Variants in NPAS3 observed in about 807,000 individuals in gnomAD.
The protein encoded by NPAS3 is neuronal PAS domain-containing protein 3.
Under a neutral mutation model 73.1 loss-of-function variants are expected in NPAS3, and 14 were observed. That is an observed-to-expected ratio of 0.19 (90% CI 0.13 to 0.30). NPAS3 has a LOEUF of 0.30. Among genes scored for constraint, NPAS3 ranks in the 10% least tolerant of loss-of-function variants. NPAS3 has a pLI of 1.00. For synonymous variants in NPAS3, 620 were observed against 541.5 expected, an observed-to-expected ratio of 1.14 and a Z score of -2.01; for missense variants, 1,096 against 1,250.0, an observed-to-expected ratio of 0.88 and a Z score of 1.86.
At chr14:33,538,690 G>A (rs1032306073) in intron 4 of NPAS3, among the ~76,000 whole-genome samples, 7 of 152,156 alleles carry the variant, frequency 4.6e-5, no homozygotes, top group South Asian at 4.1e-4. Flanking sequence ...GTGGCATCCC[G>A]TTTCTCCTCA....
chr14:33,612,647 G>A, intron 5 of NPAS3: 1 of 359,586 alleles, frequency 2.8e-6, no homozygotes, highest in South Asian at 2.1e-5. Context: ...TTTAAAGTGT[G>A]GTATTTTAAA....
intron 2 of NPAS3, among the ~76,000 whole-genome samples, chr14:33,056,904 G>A (rs1000846578): frequency 6.6e-6 from 1 of 152,144 alleles, no homozygotes; most frequent in Non-Finnish European, 1.5e-5. Flanking sequence ...AATATACTTT[G>A]TTGTGTTTTT....
In NPAS3 at chr14:33,304,494, C is replaced by G. The variant is rs186040899; in HGVS notation, c.386-62692C>G. ...GTGTAGGTGGTTGATTGAATAACATCTAGTAGCCTGGAGTTTTATCTGTCC... is the reference window on the plus strand; with the variant it reads ...GTGTAGGTGGTTGATTGAATAACATGTAGTAGCCTGGAGTTTTATCTGTCC... On this transcript the variant is annotated intron_variant, in intron 3 of 11. Transcript: ENST00000356141. Among the ~76,000 whole-genome samples, 26 of 151,488 alleles carry G rather than the reference C, an allele frequency of 1.7e-4. No individual in the cohort carries two copies. In the East Asian group the frequency reaches 3.3e-3, roughly 19 times the overall value.
chr14:33,162,372 T>C (rs992291933), intron 2 of NPAS3, among the ~76,000 whole-genome samples: 1 of 152,204 alleles, frequency 6.6e-6, no homozygotes, highest in African/African-American at 2.4e-5. Context: ...ATCTTTACAA[T>C]TGTAAATACT....
chr14:33,148,659 G>A (rs570721014), intron 2 of NPAS3, among the ~76,000 whole-genome samples: 5 of 152,132 alleles, frequency 3.3e-5, no homozygotes, highest in Admixed American at 6.5e-5. Flanking sequence ...AATCATTTAT[G>A]TGATTTGCAT....
intron 7 of NPAS3, among the ~76,000 whole-genome samples, chr14:33,736,437 G>T (rs10152106): frequency 0.24 from 36,889 of 152,086 alleles, 5,151 homozygotes; most frequent in East Asian, 0.48. Flanking sequence ...CCTTTAGCAG[G>T]TGCGATGCAG....
intron 1 of NPAS3, among the ~76,000 whole-genome samples, chr14:32,943,761 T>C (rs1022620270): frequency 3.4e-5 from 5 of 148,800 alleles, no homozygotes; most frequent in Non-Finnish European, 7.4e-5. Context: ...AGTGGCACAA[T>C]CTCAGCTCAC....
chr14:32,974,420 G>T (rs865951271), intron 1 of NPAS3, among the ~76,000 whole-genome samples: 3 of 152,208 alleles, frequency 2.0e-5, no homozygotes, highest in East Asian at 1.9e-4. Context: ...GATAGTTGAG[G>T]TGTTTGGTGA....
At chr14:33,728,456 A>G (rs2061326751) in intron 6 of NPAS3, among the ~76,000 whole-genome samples, 1 of 152,240 alleles carries the variant, frequency 6.6e-6, no homozygotes, top group South Asian at 2.1e-4. Flanking sequence ...GACAGGAATC[A>G]GCCCTAAGGA....
intron 2 of NPAS3, among the ~76,000 whole-genome samples, chr14:33,129,333 G>A (rs968270803): frequency 6.6e-5 from 10 of 152,074 alleles, no homozygotes; most frequent in Non-Finnish European, 1.3e-4. Context: ...AAAGCCATCT[G>A]GACAATGATA....
At chr14:32,965,492 T>C (rs978202259) in intron 1 of NPAS3, among the ~76,000 whole-genome samples, 1 of 152,176 alleles carries the variant, frequency 6.6e-6, no homozygotes, top group Admixed American at 6.5e-5. Flanking sequence ...GAAAAATCAT[T>C]TGACAAAATT....
chr14:33,226,257 G>A (rs886773555), intron 3 of NPAS3, among the ~76,000 whole-genome samples: 1 of 152,128 alleles, frequency 6.6e-6, no homozygotes, highest in African/African-American at 2.4e-5. Flanking sequence ...TGTCTACACA[G>A]GACTATTGTT....
intron 4 of NPAS3, among the ~76,000 whole-genome samples, chr14:33,522,319 T>A (rs1009298614): frequency 5.3e-5 from 8 of 152,292 alleles, no homozygotes; most frequent in Middle Eastern, 3.4e-3. Flanking sequence ...TGTGTTTTTT[T>A]AAAAACTTCT....
At chr14:33,108,814 A>C (rs1480032395) in intron 2 of NPAS3, among the ~76,000 whole-genome samples, 1 of 152,114 alleles carries the variant, frequency 6.6e-6, no homozygotes, top group Non-Finnish European at 1.5e-5. Flanking sequence ...TCCAGAGAAA[A>C]ATTTAATATA....
At chr14:33,079,467 C>T (rs9671622) in intron 2 of NPAS3, among the ~76,000 whole-genome samples, 49,961 of 150,026 alleles carry the variant, frequency 0.33, 8,527 homozygotes, top group African/African-American at 0.44. Flanking sequence ...CACAGGTGCA[C>T]GCCAGCACGC....
intron 6 of NPAS3, among the ~76,000 whole-genome samples, chr14:33,696,564 A>T (rs1394917671): frequency 3.3e-5 from 5 of 152,164 alleles, no homozygotes; most frequent in Admixed American, 1.3e-4. Context: ...TTATGTTTTC[A>T]TAGGTGGACA....
In NPAS3 at chr14:33,328,446, C is replaced by CTT. The variant is rs58411120; in HGVS notation, c.386-38703_386-38702dup. ...TTTATCTTTCTTTTCCTTTTCTTTTCTTTTTTTTTTTTTTTTTTTTTTTTT... is the reference window on the plus strand; with the variant it reads ...TTTATCTTTCTTTTCCTTTTCTTTTCTTTTTTTTTTTTTTTTTTTTTTTTTTT... On this transcript the variant is annotated intron_variant, in intron 3 of 11. Transcript: ENST00000356141. Among the ~76,000 whole-genome samples, 7 of 49,596 alleles carry CTT rather than the reference C, an allele frequency of 1.4e-4. 2 individuals are homozygous for CTT. The highest frequency in any genetic ancestry group is 5.5e-4 in the East Asian group (1 of 1,822). The allele number at this position is 49,596 out of a possible 152,430, so 32.5% of individuals were successfully genotyped here.
intron 1 of NPAS3, among the ~76,000 whole-genome samples, chr14:32,972,343 G>C (rs1306690441): frequency 2.0e-5 from 3 of 152,138 alleles, no homozygotes; most frequent in Non-Finnish European, 4.4e-5. Context: ...ACCCTGTTAA[G>C]CCTTATTAAG....
chr14:33,026,687 C>T (rs570949653), intron 1 of NPAS3, among the ~76,000 whole-genome samples: 1 of 152,260 alleles, frequency 6.6e-6, no homozygotes, highest in Admixed American at 6.5e-5. Context: ...ACTCTTCCTT[C>T]CAATTCATTC....
Sources: gnomAD v4.1 joint callset for allele counts (sites outside exome capture counted in the v4.1 genomes callset) on GRCh38, gnomAD v4.1.1 for gene constraint, MANE v1.5 for transcripts, NCBI Gene and HGNC (gene_info 2026-07-23, HGNC 2026-07-21) for gene names.